Variants in GRIK2 observed in about 807,000 individuals in gnomAD.
The protein encoded by GRIK2 is glutamate ionotropic receptor kainate type subunit 2.
GRIK2 carries 32 observed loss-of-function variants against 100.3 expected under a neutral mutation model. The ratio of observed to expected loss-of-function variants is 0.32; its 90% CI spans 0.24 to 0.43. GRIK2 has a LOEUF of 0.43. Among genes scored for constraint, GRIK2 ranks in the 20% least tolerant of loss-of-function variants. GRIK2 has a pLI of 1.00. For synonymous variants in GRIK2, 417 were observed against 389.4 expected (o/e 1.07, Z -0.83); for missense variants, 843 against 1,114.9 (o/e 0.76, Z 3.47).
intron 2 of GRIK2, among the ~76,000 whole-genome samples, chr6:101,461,106 G>A (rs1317895857): frequency 6.6e-6 from 1 of 152,110 alleles, no homozygotes; most frequent in African/African-American, 2.4e-5. Flanking sequence ...TAATTTCCTA[G>A]TTGCTAAATA....
At chr6:101,439,404 A>C (rs1047565651) in intron 2 of GRIK2, among the ~76,000 whole-genome samples, 1 of 152,122 alleles carries the variant, frequency 6.6e-6, no homozygotes, top group Admixed American at 6.6e-5. Context: ...CAAAGTCTTC[A>C]TTACACAAGT....
At chr6:102,047,665 C>T (rs1314311396) in intron 15 of GRIK2, among the ~76,000 whole-genome samples, 2 of 151,888 alleles carry the variant, frequency 1.3e-5, no homozygotes, top group East Asian at 3.9e-4. Flanking sequence ...AGGAGAATTG[C>T]TTTAACCCAG....
At chr6:101,728,428 G>A (rs568861589) in intron 7 of GRIK2, among the ~76,000 whole-genome samples, 4 of 152,142 alleles carry the variant, frequency 2.6e-5, no homozygotes, top group Middle Eastern at 3.4e-3. Context: ...CCACATCACA[G>A]TAGAGTGCCA....
chr6:101,922,119 C>T (rs1346180089), intron 12 of GRIK2, among the ~76,000 whole-genome samples: 3 of 15,878 alleles, frequency 1.9e-4, no homozygotes, highest in Non-Finnish European at 4.1e-4. Context: ...TTCCTTCCTT[C>T]CTTCCTTCCT....
intron 14 of GRIK2, among the ~76,000 whole-genome samples, chr6:102,002,292 G>A (rs1467468196): frequency 2.7e-5 from 4 of 147,568 alleles, no homozygotes; most frequent in Non-Finnish European, 1.5e-5. Context: ...GTGTATATAT[G>A]TGTGTGTGTG....
chr6:101,653,797 T>A (rs1244360173), intron 4 of GRIK2, among the ~76,000 whole-genome samples: 1 of 151,972 alleles, frequency 6.6e-6, no homozygotes, highest in Non-Finnish European at 1.5e-5. Context: ...ATTTTTGTAG[T>A]TTTAGTAGAG....
At chr6:101,882,348 A>G (rs1786309625) in intron 11 of GRIK2, among the ~76,000 whole-genome samples, 1 of 152,158 alleles carries the variant, frequency 6.6e-6, no homozygotes, top group South Asian at 2.1e-4. Context: ...GGTGGGGAAT[A>G]AAACAAAACT....
intron 2 of GRIK2, among the ~76,000 whole-genome samples, chr6:101,466,594 TAA>T (rs3057462): frequency 0.24 from 33,751 of 142,716 alleles, 4,121 homozygotes; most frequent in East Asian, 0.31. Context: ...TGCTTTTTTC[TAA>T]AAAAAAAAAA....
At chr6:101,985,804 G>C (rs924529252) in intron 14 of GRIK2, among the ~76,000 whole-genome samples, 17 of 151,710 alleles carry the variant, frequency 1.1e-4, no homozygotes, top group South Asian at 4.1e-4. Context: ...TAATAAAATA[G>C]AGAAAATGGT....
At chr6:101,968,405 CAAG>C (rs1240212708) in intron 14 of GRIK2, among the ~76,000 whole-genome samples, 1 of 151,884 alleles carries the variant, frequency 6.6e-6, no homozygotes, top group East Asian at 1.9e-4. Flanking sequence ...TTGCTATTAA[CAAG>C]AATAATTTGC....
intron 7 of GRIK2, among the ~76,000 whole-genome samples, chr6:101,783,837 T>C (rs559415112): frequency 2.0e-5 from 3 of 152,298 alleles, no homozygotes; most frequent in Non-Finnish European, 2.9e-5. Flanking sequence ...GAACTTGAGA[T>C]AGATTATTTA....
chr6:101,724,844 G>C (rs1276788098), intron 7 of GRIK2, among the ~76,000 whole-genome samples: 1 of 151,960 alleles, frequency 6.6e-6, no homozygotes, highest in Non-Finnish European at 1.5e-5. Flanking sequence ...GAAATAGGAG[G>C]TTTGAGGGCT....
chr6:102,024,274 T>A (rs1277952259), intron 14 of GRIK2, among the ~76,000 whole-genome samples: 1 of 151,060 alleles, frequency 6.6e-6, no homozygotes, highest in Non-Finnish European at 1.5e-5. Flanking sequence ...GTACTGACTT[T>A]CAGGAAATAA....
intron 7 of GRIK2, among the ~76,000 whole-genome samples, chr6:101,742,773 A>T (rs923066027): frequency 2.0e-5 from 3 of 152,200 alleles, no homozygotes; most frequent in African/African-American, 7.2e-5. Context: ...TTTAGCTAGC[A>T]GGTTTCAAAG....
chr6:101,931,631 A>G (rs2128472687), intron 14 of GRIK2, among the ~76,000 whole-genome samples: 1 of 143,090 alleles, frequency 7.0e-6, no homozygotes, highest in South Asian at 2.3e-4. Context: ...CAAGGTGCTC[A>G]AAGCATATTA....
intron 14 of GRIK2, among the ~76,000 whole-genome samples, chr6:102,017,589 C>A (rs1769184198): frequency 1.3e-5 from 2 of 152,134 alleles, no homozygotes; most frequent in South Asian, 4.1e-4. Context: ...GGACAATGCC[C>A]AGGCATTATT....
intron 13 of GRIK2, among the ~76,000 whole-genome samples, chr6:101,926,011 T>C (rs939727832): frequency 6.6e-6 from 1 of 151,234 alleles, no homozygotes; most frequent in Non-Finnish European, 1.5e-5. Flanking sequence ...GTATAATTAT[T>C]AATATATATG....
At chr6:101,700,966 T>C (rs1772851593) in intron 7 of GRIK2, among the ~76,000 whole-genome samples, 1 of 152,082 alleles carries the variant, frequency 6.6e-6, no homozygotes, top group Non-Finnish European at 1.5e-5. Context: ...AGGAAGACTC[T>C]AGTGCTTTTC....
chr6:101,925,756 G>A (rs1044689654), intron 13 of GRIK2, among the ~76,000 whole-genome samples: 1 of 151,800 alleles, frequency 6.6e-6, no homozygotes, highest in Non-Finnish European at 1.5e-5. Flanking sequence ...TTCATTTAGT[G>A]ATTGCATTAC....
Sources: allele counts gnomAD v4.1 joint callset (sites outside exome capture counted in the v4.1 genomes callset), GRCh38; gene constraint gnomAD v4.1.1; transcripts MANE v1.5; gene names NCBI Gene and HGNC (gene_info 2026-07-23, HGNC 2026-07-21).